NUP160: variants seen among roughly 807,000 people sequenced by gnomAD.
The protein encoded by NUP160 is nuclear pore complex protein Nup160.
A neutral mutation model predicts 196.9 loss-of-function variants in NUP160; 94 were observed. The observed-to-expected ratio is 0.48, with a 90% confidence interval of 0.40 to 0.57. NUP160 has a LOEUF of 0.57. NUP160 is among the 20% of genes least tolerant of loss of function. The pLI is 0.00. For synonymous variants in NUP160, 605 were observed against 619.7 expected (o/e 0.98, Z 0.35); for missense variants, 1,638 against 1,748.3 (o/e 0.94, Z 1.13).
At chr11:47,778,606 A>G (rs568514280) in exon 36 of NUP160, 3 of 152,976 alleles carry the variant, frequency 2.0e-5, no homozygotes, top group South Asian at 4.1e-4. Flanking sequence ...AAAACCTCCA[A>G]AATAAATAAA....
chr11:47,801,704 G>C, intron 23 of NUP160, 107 bp downstream of exon 23: 1 of 1,064,492 alleles, frequency 9.4e-7, no homozygotes, highest in South Asian at 1.6e-5. Context: ...GGAAGTTCAG[G>C]GAGCAACTGA....
chr11:47,830,634 C>T (rs1217653649), intron 7 of NUP160, among the ~76,000 whole-genome samples: 1 of 152,278 alleles, frequency 6.6e-6, no homozygotes, highest in Admixed American at 6.5e-5. Flanking sequence ...CATGTTCTCA[C>T]TTATAAATGG....
At chr11:47,783,018 T>C in intron 34 of NUP160, 55 bp downstream of exon 34, 2 of 1,484,012 alleles carry the variant, frequency 1.3e-6, no homozygotes, top group Non-Finnish European at 1.9e-6. Flanking sequence ...CACTGTAAAG[T>C]TGAAAAATCG....
rs143851064 is a variant in NUP160, at chr11:47,834,269, C to T, written c.1101+1382G>A. Among the ~76,000 whole-genome samples, 707 of 151,900 alleles carry T rather than the reference C, an allele frequency of 4.7e-3. 26 individuals carry two copies. Among genetic ancestry groups the T allele is most frequent in the Non-Finnish European group, 7.8e-4 (53 of 67,976 alleles). ...GTGTGACAAACTAATTGTAACATGTCGAGGAGACTGATCAACAGGATGTTA... is the reference window on the plus strand; with the variant it reads ...GTGTGACAAACTAATTGTAACATGTTGAGGAGACTGATCAACAGGATGTTA... On this transcript the variant is annotated intron_variant, in intron 7 of 35. Transcript: ENST00000378460.
At chr11:47,827,406 G>A (rs564849447) in intron 7 of NUP160, among the ~76,000 whole-genome samples, 292 of 149,040 alleles carry the variant, frequency 2.0e-3, no homozygotes, top group African/African-American at 7.1e-3. Context: ...GCATCACAAT[G>A]AAAAAAAAAG....
intron 34 of NUP160, among the ~76,000 whole-genome samples, chr11:47,781,568 T>C (rs1371201269): frequency 6.6e-6 from 1 of 152,176 alleles, no homozygotes; most frequent in African/African-American, 2.4e-5. Flanking sequence ...CTGGCTGATT[T>C]CATGAGGGTT....
rs2097677595 is a variant in NUP160 at position 47,806,321 on chromosome 11, G to A, written c.2447-9C>T. On this transcript the variant is annotated splice_polypyrimidine_tract_variant and intron_variant, in intron 19 of 35. Transcript: ENST00000378460. The stretch of plus-strand genomic sequence containing the variant: ...AGTCTGAGGACTAGATACTTAAAAA[G>A]AAAAAGTTATGACAGTTTTGTGTAG... 1 of 1,601,426 alleles carries A rather than the reference G, an allele frequency of 6.2e-7. No homozygotes were observed. The highest frequency in any genetic ancestry group is 1.3e-5 in the African/African-American group (1 of 74,446).
At chr11:47,811,651 G>T (rs2097681199) in intron 17 of NUP160, among the ~76,000 whole-genome samples, 1 of 152,126 alleles carries the variant, frequency 6.6e-6, no homozygotes, top group Non-Finnish European at 1.5e-5. Flanking sequence ...TAAGAGTAAA[G>T]CAATCTGCTT....
At chr11:47,845,623 T>G (rs1030353200) in intron 2 of NUP160, among the ~76,000 whole-genome samples, 23 of 152,178 alleles carry the variant, frequency 1.5e-4, no homozygotes, top group Non-Finnish European at 4.4e-5. Flanking sequence ...TCCATAAGAG[T>G]AGGGACTTTG....
intron 22 of NUP160, among the ~76,000 whole-genome samples, chr11:47,802,362 C>T (rs975711905): frequency 1.3e-5 from 2 of 151,940 alleles, no homozygotes; most frequent in Admixed American, 6.6e-5. Flanking sequence ...ACCTGGTGGG[C>T]GGAGGTTGCA....
At chr11:47,831,016 A>G (rs889301400) in intron 7 of NUP160, among the ~76,000 whole-genome samples, 1 of 152,166 alleles carries the variant, frequency 6.6e-6, no homozygotes, top group Non-Finnish European at 1.5e-5. Flanking sequence ...CACAAAAATT[A>G]GCCAGGCATG....
At chr11:47,782,525 T>C (rs1306233739) in intron 34 of NUP160, among the ~76,000 whole-genome samples, 3 of 151,122 alleles carry the variant, frequency 2.0e-5, no homozygotes, top group African/African-American at 7.3e-5. Context: ...CGTTAACCTA[T>C]AAAGTTGGGC....
At chr11:47,783,742 T>C (rs1599302250) in intron 33 of NUP160, among the ~76,000 whole-genome samples, 1 of 152,152 alleles carries the variant, frequency 6.6e-6, no homozygotes, top group African/African-American at 2.4e-5. Flanking sequence ...TTTATTTTTT[T>C]TGAGACAGAG....
intron 21 of NUP160, 118 bp downstream of exon 21, chr11:47,804,431 T>C (rs2135365865): frequency 2.9e-6 from 2 of 689,880 alleles, no homozygotes; most frequent in East Asian, 6.0e-5. Context: ...TGTCTTCACA[T>C]AATCAAGTTT....
intron 17 of NUP160, among the ~76,000 whole-genome samples, chr11:47,809,503 C>A (rs2097679787): frequency 6.6e-6 from 1 of 151,908 alleles, no homozygotes; most frequent in South Asian, 2.1e-4. Context: ...AATCCCAGCA[C>A]TTTGTGAGGC....
chr11:47,823,222 G>A (rs545167709), intron 7 of NUP160, among the ~76,000 whole-genome samples: 3 of 152,054 alleles, frequency 2.0e-5, no homozygotes, highest in East Asian at 1.9e-4. Context: ...TACACATAAC[G>A]TCAAATTTAC....
chr11:47,832,920 A>C (rs561381388), intron 7 of NUP160, among the ~76,000 whole-genome samples: 247 of 152,344 alleles, frequency 1.6e-3, no homozygotes, highest in African/African-American at 5.4e-3. Context: ...CCACTGACAT[A>C]ATATGACCAG....
Position 47,837,004 on chromosome 11 carries a change from A to G in NUP160, c.828-3T>C, listed in dbSNP as rs1852189664. On this transcript the variant is annotated splice_polypyrimidine_tract_variant and splice_region_variant and intron_variant, in intron 5 of 35. Transcript: ENST00000378460. ...GATCTGAAGGCGACTGGTCACCCCT[A>G]AAACATAAGACCCAGTTTTAGAGTT... 1 of 1,585,866 alleles carries G rather than the reference A, an allele frequency of 6.3e-7. No individual in the cohort carries two copies. Among genetic ancestry groups the G allele is most frequent in the Non-Finnish European group, 8.7e-7 (1 of 1,156,020 alleles).
intron 7 of NUP160, chr11:47,826,930 T>C: frequency 2.4e-6 from 1 of 419,832 alleles, no homozygotes; most frequent in Admixed American, 2.8e-5. Context: ...GCATCAATGA[T>C]GCAAAATCAG....
Sources: gnomAD v4.1 joint callset for allele counts (sites outside exome capture counted in the v4.1 genomes callset) on GRCh38, gnomAD v4.1.1 for gene constraint, MANE v1.5 for transcripts, NCBI Gene and HGNC (gene_info 2026-07-23, HGNC 2026-07-21) for gene names.